The following ANKRD36C variants were observed in gnomAD, a reference collection of about 807,000 sequenced individuals.
ANKRD36C encodes ankyrin repeat domain-containing protein 36C.
ANKRD36C carries 61 observed loss-of-function variants against 276.4 expected under a neutral mutation model. That is an observed-to-expected ratio of 0.22 (90% CI 0.18 to 0.27). The LOEUF is 0.27. Among genes scored for constraint, ANKRD36C ranks in the 10% least tolerant of loss-of-function variants. ANKRD36C has a pLI of 1.00. For synonymous variants in ANKRD36C, 483 were observed against 680.1 expected, an observed-to-expected ratio of 0.71 and a Z score of 4.51; for missense variants, 1,447 against 2,032.3, an observed-to-expected ratio of 0.71 and a Z score of 5.54.
At chr2:95,922,851 A>G (rs1345854546) in intron 32 of ANKRD36C, among the ~76,000 whole-genome samples, 2 of 151,678 alleles carry the variant, frequency 1.3e-5, no homozygotes, top group African/African-American at 2.4e-5. Context: ...TAATTAGTCA[A>G]TGTGGTTTAT....
intron 6 of ANKRD36C, among the ~76,000 whole-genome samples, chr2:95,970,687 T>C (rs1006490510): frequency 6.6e-6 from 1 of 152,170 alleles, no homozygotes; most frequent in Non-Finnish European, 1.5e-5. Flanking sequence ...ATATAGACTG[T>C]TTTCAAAGTG....
At chr2:95,881,240 C>T (rs1156234663) in intron 56 of ANKRD36C, among the ~76,000 whole-genome samples, 24 of 152,050 alleles carry the variant, frequency 1.6e-4, no homozygotes, top group African/African-American at 4.6e-4. Flanking sequence ...TTTCTTATAT[C>T]CTCTAGTTTA....
At chr2:95,893,503 A>C in intron 44 of ANKRD36C, 30 bp downstream of exon 64, 1 of 1,537,334 alleles carries the variant, frequency 6.5e-7, no homozygotes, top group Non-Finnish European at 8.8e-7. Context: ...TCTGGACTGA[A>C]CATGACATTA....
chr2:95,941,523 A>G (rs1677891352), intron 19 of ANKRD36C, among the ~76,000 whole-genome samples: 2 of 152,230 alleles, frequency 1.3e-5, no homozygotes, highest in Admixed American at 1.3e-4. Flanking sequence ...AAAATAGACA[A>G]GTGAAGACTA....
chr2:95,953,750 TTTC>T (rs1336847800), intron 14 of ANKRD36C, among the ~76,000 whole-genome samples, 186 bp downstream of exon 14: 1 of 151,004 alleles, frequency 6.6e-6, no homozygotes, highest in Non-Finnish European at 1.5e-5. Flanking sequence ...TTATCAACTA[TTTC>T]TTATTTGCCA....
At chr2:95,851,303 A>T (rs1675287153) in intron 66 of ANKRD36C, 108 bp from the exon 87 acceptor site, 1 of 795,064 alleles carries the variant, frequency 1.3e-6, no homozygotes, top group Admixed American at 2.6e-5. Context: ...GATCATCCCT[A>T]ATCTAAAAAT....
intron 50 of ANKRD36C, 105 bp downstream of exon 70, chr2:95,887,820 A>G (rs980516439): frequency 2.0e-5 from 28 of 1,375,744 alleles, no homozygotes; most frequent in Non-Finnish European, 2.6e-5. Flanking sequence ...GGCCTGCTGA[A>G]TCAGAATGTG....
chr2:95,952,108 C>T (rs1678211659), intron 14 of ANKRD36C, among the ~76,000 whole-genome samples: 1 of 152,292 alleles, frequency 6.6e-6, no homozygotes, highest in Admixed American at 6.5e-5. Context: ...GACATGTGGT[C>T]TGCAAGGAGA....
At chr2:95,871,650 A>G (rs1457630285) in intron 59 of ANKRD36C, among the ~76,000 whole-genome samples, 2 of 152,308 alleles carry the variant, frequency 1.3e-5, no homozygotes, top group East Asian at 3.9e-4. Flanking sequence ...TGCCAGGATC[A>G]ATTTCAGACA....
intron 6 of ANKRD36C, among the ~76,000 whole-genome samples, chr2:95,976,737 C>T (rs1487380873): frequency 1.3e-5 from 2 of 152,142 alleles, no homozygotes; most frequent in Non-Finnish European, 2.9e-5. Flanking sequence ...GCCCACATTA[C>T]ACCTCAAAAA....
Position 95,925,341 on chromosome 2 carries a change from T to G in ANKRD36C, c.2041+11A>C, listed in dbSNP as rs1677374064. The G allele has an allele frequency of 6.4e-7, 1 of 1,573,150 alleles. No individual in the cohort carries two copies. Among genetic ancestry groups the G allele is most frequent in the African/African-American group, 1.4e-5 (1 of 73,700 alleles). On this transcript the variant is annotated intron_variant, in intron 30 of 66. Coordinates refer to ENST00000456556, the Ensembl canonical transcript of ANKRD36C. ...AGTGCACATGACATTAAATGTGTAT[T>G]GCCAAATTACCTGTTCCAGATTTCC...
chr2:95,878,371 G>C (rs4907217), intron 58 of ANKRD36C, among the ~76,000 whole-genome samples: 42,315 of 151,898 alleles, frequency 0.28, 6,796 homozygotes, highest in East Asian at 0.48. Context: ...AAATTAGTTT[G>C]ATTTGATATA....
exon 50 of ANKRD36C, chr2:95,887,994 T>C (rs1186996276): frequency 3.1e-6 from 5 of 1,600,200 alleles, no homozygotes; most frequent in Admixed American, 1.8e-5. Context: ...TTGTCACTTG[T>C]AGCCTGAATG....
chr2:95,928,945 TG>T (rs1677486477), intron 26 of ANKRD36C, 126 bp downstream of exon 26: 1 of 1,429,704 alleles, frequency 7.0e-7, no homozygotes, highest in African/African-American at 1.4e-5. Flanking sequence ...TCACTACAAA[TG>T]AAGAATCTCA....
At chr2:95,913,521 G>A (rs1676996461) in intron 40 of ANKRD36C, among the ~76,000 whole-genome samples, 1 of 151,338 alleles carries the variant, frequency 6.6e-6, no homozygotes, top group Non-Finnish European at 1.5e-5. Flanking sequence ...AGTAGTTCCT[G>A]GAGCAGCCAA....
chr2:95,893,632 A>C (rs1558630349), intron 44 of ANKRD36C, 27 bp from the exon 64 acceptor site: 2 of 1,589,074 alleles, frequency 1.3e-6, no homozygotes, highest in Non-Finnish European at 8.6e-7. Context: ...ATGAAATAAT[A>C]AATAAAATAT....
At chr2:95,885,518 G>A (rs1676179707) in intron 52 of ANKRD36C, among the ~76,000 whole-genome samples, 3 of 151,134 alleles carry the variant, frequency 2.0e-5, no homozygotes, top group Non-Finnish European at 4.4e-5. Context: ...AGTTCACTCA[G>A]CTTTCCTCAA....
intron 6 of ANKRD36C, among the ~76,000 whole-genome samples, chr2:95,963,986 T>TATAAATATATATATATAA (rs1558658684): frequency 5.2e-5 from 1 of 19,062 alleles, no homozygotes; most frequent in Non-Finnish European, 8.9e-5. Flanking sequence ...TATATATATA[T>TATAAATATATATATATAA]ATATATATAT....
At chr2:95,870,499 T>C (rs1249745910) in intron 59 of ANKRD36C, among the ~76,000 whole-genome samples, 1 of 151,868 alleles carries the variant, frequency 6.6e-6, no homozygotes, top group Non-Finnish European at 1.5e-5. Flanking sequence ...GACATCCACA[T>C]CAAAAACCCA....
Sources: gnomAD v4.1 joint callset for allele counts (sites outside exome capture counted in the v4.1 genomes callset) on GRCh38, gnomAD v4.1.1 for gene constraint, MANE v1.5 for transcripts, NCBI Gene and HGNC (gene_info 2026-07-23, HGNC 2026-07-21) for gene names.